Variants in SNTG2 observed in about 807,000 individuals in gnomAD.
SNTG2 encodes syntrophin gamma 2.
SNTG2 carries 74 observed loss-of-function variants against 70.9 expected under a neutral mutation model. That is an observed-to-expected ratio of 1.04 (90% confidence interval 0.86 to 1.27). The LOEUF is 1.27. Among genes scored for constraint, SNTG2 ranks in the 50% most tolerant of loss-of-function variants. The pLI is 0.00. For missense variants in SNTG2, 717 were observed against 690.7 expected, an observed-to-expected ratio of 1.04 and a Z score of -0.43; for synonymous variants, 278 against 273.8, an observed-to-expected ratio of 1.02 and a Z score of -0.15.
intron 8 of SNTG2, among the ~76,000 whole-genome samples, chr2:1,177,010 A>T (rs544928089): frequency 6.6e-6 from 1 of 152,218 alleles, no homozygotes; most frequent in African/African-American, 2.4e-5. Flanking sequence ...AAATTATTCT[A>T]TTACAATAAT....
intron 1 of SNTG2, among the ~76,000 whole-genome samples, chr2:997,881 A>G (rs933456571): frequency 1.3e-5 from 2 of 152,182 alleles, no homozygotes; most frequent in Admixed American, 6.5e-5. Context: ...AGCTGGAACT[A>G]CACAACCCAT....
At chr2:1,090,496 G>C (rs560733698) in intron 2 of SNTG2, among the ~76,000 whole-genome samples, 7 of 152,332 alleles carry the variant, frequency 4.6e-5, no homozygotes, top group African/African-American at 1.4e-4. Flanking sequence ...GGGAGAGAGT[G>C]AGGCCAGTTT....
At chr2:1,243,811 AG>A (rs1347615262) in intron 11 of SNTG2, among the ~76,000 whole-genome samples, 2 of 152,266 alleles carry the variant, frequency 1.3e-5, no homozygotes, top group Non-Finnish European at 2.9e-5. Context: ...GCAGATCAGG[AG>A]GCCAGGAGTT....
At chr2:1,266,583 G>A (rs1678746806) in intron 13 of SNTG2, among the ~76,000 whole-genome samples, 1 of 151,960 alleles carries the variant, frequency 6.6e-6, no homozygotes, top group Non-Finnish European at 1.5e-5. Context: ...TTGGGCACTC[G>A]GTCCTTTATC....
intron 16 of SNTG2, among the ~76,000 whole-genome samples, chr2:1,350,894 AT>A (rs1312058763): frequency 4.6e-5 from 7 of 152,070 alleles, no homozygotes; most frequent in African/African-American, 1.7e-4. Flanking sequence ...CCTGATTTTC[AT>A]GTTTTTGTTA....
intron 8 of SNTG2, among the ~76,000 whole-genome samples, chr2:1,186,978 C>A (rs2147929108): frequency 6.6e-6 from 1 of 152,196 alleles, no homozygotes; most frequent in African/African-American, 2.4e-5. Context: ...GAGTGGAAGA[C>A]AAATGTGAGG....
intron 16 of SNTG2, among the ~76,000 whole-genome samples, chr2:1,356,247 G>A (rs535298905): frequency 2.0e-4 from 30 of 152,204 alleles, no homozygotes; most frequent in Non-Finnish European, 3.5e-4. Flanking sequence ...TGTCATATCT[G>A]TGAAAATCAG....
Position 1,237,883 on chromosome 2 carries a change from C to G in SNTG2, c.720-5C>G, listed in dbSNP as rs767747617. On this transcript the variant is annotated splice_region_variant and splice_polypyrimidine_tract_variant and intron_variant, in intron 9 of 16. Coordinates refer to ENST00000308624, the MANE Select transcript of SNTG2 (RefSeq NM_018968.4). ...GGCCTCCTGGACAGCTCTCTCCCTC[C>G]CCAGGTGGAATGCGTTCGAGGTGCT... The G allele has an allele frequency of 1.9e-6, 3 of 1,597,870 alleles. No individual in the cohort carries two copies. The highest frequency in any genetic ancestry group is 1.7e-6 in the Non-Finnish European group (2 of 1,172,702).
chr2:973,198 T>G (rs1166062121), intron 1 of SNTG2, among the ~76,000 whole-genome samples: 3 of 152,230 alleles, frequency 2.0e-5, no homozygotes, highest in Non-Finnish European at 4.4e-5. Flanking sequence ...ATCACAGTTC[T>G]TCCTGGAGAA....
At chr2:1,348,788 G>A (rs188616003) in intron 16 of SNTG2, among the ~76,000 whole-genome samples, 335 of 152,292 alleles carry the variant, frequency 2.2e-3, no homozygotes, top group African/African-American at 7.6e-3. Flanking sequence ...ATATTTTACA[G>A]AGTTTGACTC....
chr2:1,152,677 T>C (rs946712849), intron 6 of SNTG2, among the ~76,000 whole-genome samples: 1 of 152,216 alleles, frequency 6.6e-6, no homozygotes, highest in Non-Finnish European at 1.5e-5. Flanking sequence ...GTCTGCAAAC[T>C]CCTGAGAGGA....
intron 16 of SNTG2, among the ~76,000 whole-genome samples, chr2:1,360,652 A>AAAC (rs1553286952): frequency 8.0e-5 from 1 of 12,576 alleles, no homozygotes; most frequent in African/African-American, 2.5e-4. Flanking sequence ...ACAAACAAAC[A>AAAC]AAAAAAAAGT....
At chr2:1,284,243 A>C (rs1679677868) in intron 14 of SNTG2, among the ~76,000 whole-genome samples, 1 of 152,190 alleles carries the variant, frequency 6.6e-6, no homozygotes, top group Admixed American at 6.5e-5. Context: ...CCTTCAGTTA[A>C]CACCTCCATC....
At chr2:1,054,036 CTTG>C (rs1428224540) in intron 1 of SNTG2, among the ~76,000 whole-genome samples, 11 of 152,026 alleles carry the variant, frequency 7.2e-5, no homozygotes, top group Admixed American at 1.3e-4. Context: ...ATGTCTTGGC[CTTG>C]TTGTTTGTGC....
intron 4 of SNTG2, among the ~76,000 whole-genome samples, chr2:1,132,681 G>T (rs967567584): frequency 2.6e-5 from 4 of 152,182 alleles, no homozygotes; most frequent in Admixed American, 2.6e-4. Flanking sequence ...CTGTTAGGCG[G>T]GTTAGCCATC....
Position 1,045,029 on chromosome 2 carries a change from G to GT in SNTG2, c.73-38479dup, listed in dbSNP as rs36115840. Among the ~76,000 whole-genome samples, 354 of 147,436 alleles carry GT rather than the reference G, an allele frequency of 2.4e-3. 2 individuals carry two copies. The highest frequency in any genetic ancestry group is 7.1e-3 in the African/African-American group (285 of 40,378). On this transcript the variant is annotated intron_variant, in intron 1 of 16. Transcript: ENST00000308624. ...TCTTATCCAGTGCTTTTTCTGGTCA[G>GT]TTTTTTTTTTGTTAATTATTAATAA...
chr2:1,362,437 C>T (rs1286551534), intron 16 of SNTG2, among the ~76,000 whole-genome samples: 1 of 151,990 alleles, frequency 6.6e-6, no homozygotes, highest in Non-Finnish European at 1.5e-5. Flanking sequence ...CTGAGCATTT[C>T]AGTAGAACTT....
At chr2:1,125,668 T>C (rs116589181) in intron 4 of SNTG2, among the ~76,000 whole-genome samples, 1,677 of 152,334 alleles carry the variant, frequency 0.011, 20 homozygotes, top group Non-Finnish European at 0.018. Context: ...AGATTTACAG[T>C]AAATACATGT....
At chr2:974,563 C>G (rs567857330) in intron 1 of SNTG2, among the ~76,000 whole-genome samples, 4 of 152,126 alleles carry the variant, frequency 2.6e-5, no homozygotes, top group African/African-American at 4.8e-5. Flanking sequence ...CTGGACCTGT[C>G]GAGGCTGCTG....
Sources: allele counts gnomAD v4.1 joint callset (sites outside exome capture counted in the v4.1 genomes callset), GRCh38; gene constraint gnomAD v4.1.1; transcripts MANE v1.5; gene names NCBI Gene and HGNC (gene_info 2026-07-23, HGNC 2026-07-21).